The following RNF17 variants were observed in gnomAD, a reference collection of about 807,000 sequenced individuals.
RNF17 encodes spermatogenesis associated 23.
Under a neutral mutation model 200.5 loss-of-function variants are expected in RNF17, and 31 were observed. The observed-to-expected ratio is 0.15, with a 90% CI of 0.12 to 0.21. The LOEUF (loss-of-function observed/expected upper bound fraction) is 0.21, where lower values mean the gene tolerates loss of function less well. Ranked by LOEUF, RNF17 falls within the 10% of genes least tolerant of loss-of-function variation. The pLI, the probability that RNF17 is intolerant of heterozygous loss-of-function variation, is 1.00. For missense variants in RNF17, 1,628 were observed against 1,905.1 expected (o/e 0.85, Z 2.71); for synonymous variants, 606 against 637.8 (o/e 0.95, Z 0.75).
At position 24,825,706 on chromosome 13, in the gene RNF17, C is replaced by A; in HGVS notation, c.2179C>A (p.Pro727Thr). Residue 727 changes from proline to threonine, a missense_variant, in exon 16 of 36, where the codon CCA (proline) becomes ACA (threonine). Pro to Thr is a conservative substitution (Grantham distance 38). Around this residue, in one of 5 missense-constraint regions of RNF17, gnomAD observed 289 missense variants for 384.9 expected, o/e 0.75. Coordinates refer to ENST00000255324, the MANE Select transcript of RNF17 (RefSeq NM_031277.3). ...EDGENLEILC[P>T]VQDQACVAKF... Reference sequence around the variant, plus strand: ...TGGAGAAAATCTGGAAATCCTCTGTCCAGTTCAAGATCAAGCCTGTGTAGC... The same window carrying A: ...TGGAGAAAATCTGGAAATCCTCTGTACAGTTCAAGATCAAGCCTGTGTAGC... 1 of 1,613,440 alleles carries A rather than the reference C, an allele frequency of 6.2e-7. No individual in the cohort carries two copies. Among genetic ancestry groups the A allele is most frequent in the Non-Finnish European group, 8.5e-7 (1 of 1,179,558 alleles).
intron 16 of RNF17, among the ~76,000 whole-genome samples, chr13:24,826,924 G>A (rs1477854165): frequency 1.3e-5 from 2 of 151,958 alleles, no homozygotes; most frequent in Non-Finnish European, 2.9e-5. Context: ...GCTGGGCATG[G>A]TGGTGCATGC....
intron 16 of RNF17, among the ~76,000 whole-genome samples, chr13:24,827,383 C>G (rs1285224015): frequency 6.6e-6 from 1 of 152,036 alleles, no homozygotes; most frequent in Non-Finnish European, 1.5e-5. Flanking sequence ...TCATTTGTCA[C>G]CACTGATTTT....
At chr13:24,850,933 C>T (rs1443324766) in intron 23 of RNF17, among the ~76,000 whole-genome samples, 1 of 152,166 alleles carries the variant, frequency 6.6e-6, no homozygotes, top group Non-Finnish European at 1.5e-5. Context: ...TTTAATTTCA[C>T]CTTGACATTG....
chr13:24,790,458 A>G (rs1566137077), intron 9 of RNF17, among the ~76,000 whole-genome samples: 1 of 152,162 alleles, frequency 6.6e-6, no homozygotes, highest in Non-Finnish European at 1.5e-5. Flanking sequence ...TTAAATTTAA[A>G]CATAAATTAA....
At chr13:24,791,335 G>A (rs563353019) in intron 9 of RNF17, among the ~76,000 whole-genome samples, 2 of 152,236 alleles carry the variant, frequency 1.3e-5, no homozygotes, top group East Asian at 1.9e-4. Flanking sequence ...ATGCTTGAAC[G>A]TGAGGCATGA....
the RNF17 span, among the ~76,000 whole-genome samples, chr13:24,755,749 T>G: frequency 6.6e-6 from 1 of 152,226 alleles, no homozygotes; most frequent in Non-Finnish European, 1.5e-5. Flanking sequence ...AATCACATTT[T>G]TCTTTCTAGG....
At chr13:24,881,838 A>C (rs1226599782), downstream of RNF17, among the ~76,000 whole-genome samples, 292 of 115,010 alleles carry the variant, frequency 2.5e-3, no homozygotes, top group African/African-American at 9.4e-3. Context: ...ATCTATATAG[A>C]TATATAGATA....
chr13:24,751,057 G>A, the RNF17 span: 1 of 152,170 alleles, frequency 6.6e-6, no homozygotes, highest in Admixed American at 6.6e-5. Flanking sequence ...AACTCCATGA[G>A]ACAAGAAGTT....
chr13:24,874,659 G>A (rs1032510083), intron 33 of RNF17, among the ~76,000 whole-genome samples: 7 of 152,140 alleles, frequency 4.6e-5, no homozygotes, highest in East Asian at 3.9e-4. Context: ...TGATCCCCCC[G>A]CCTCAGCCTC....
At chr13:24,784,960 G>A (rs1882906927) in intron 6 of RNF17, among the ~76,000 whole-genome samples, 1 of 152,110 alleles carries the variant, frequency 6.6e-6, no homozygotes, top group Non-Finnish European at 1.5e-5. Context: ...ATCTGCCTCG[G>A]CCTCCCAAAG....
intron 16 of RNF17, chr13:24,826,009 A>G: frequency 3.0e-6 from 3 of 984,948 alleles, no homozygotes; most frequent in Non-Finnish European, 3.6e-6. Context: ...TATAGATAGA[A>G]CAAAGCAACA....
intron 27 of RNF17, 136 bp from the exon 28 acceptor site, chr13:24,862,577 T>C: frequency 1.7e-6 from 1 of 591,594 alleles, no homozygotes. Flanking sequence ...CCTATGATAT[T>C]CTCTGAGAAC....
At chr13:24,807,427 T>G (rs1886028603) in intron 15 of RNF17, among the ~76,000 whole-genome samples, 1 of 152,184 alleles carries the variant, frequency 6.6e-6, no homozygotes, top group Non-Finnish European at 1.5e-5. Flanking sequence ...TCATGTGTCT[T>G]TTGGCTGCAT....
intron 23 of RNF17, 50 bp downstream of exon 23, chr13:24,850,493 C>A: frequency 1.8e-6 from 2 of 1,133,460 alleles, no homozygotes; most frequent in Non-Finnish European, 2.6e-6. Flanking sequence ...ATGTTTCCAT[C>A]GATTCCATTT....
At chr13:24,762,457 C>T (rs1878857129), upstream of RNF17, among the ~76,000 whole-genome samples, 1 of 148,136 alleles carries the variant, frequency 6.8e-6, no homozygotes. Context: ...GGGAATAATA[C>T]TCACAAAACT....
At chr13:24,824,166 G>T in intron 15 of RNF17, 1 of 707,874 alleles carries the variant, frequency 1.4e-6, no homozygotes, top group Non-Finnish European at 2.6e-6. Flanking sequence ...TAGGCTTCTT[G>T]GTTACTGTAA....
chr13:24,804,532 G>A (rs1885619904), intron 15 of RNF17, 103 bp downstream of exon 15: 6 of 815,130 alleles, frequency 7.4e-6, no homozygotes, highest in Admixed American at 6.1e-5. Context: ...CAGAGCAAAC[G>A]TACCACTGTT....
chr13:24,868,349 A>G (rs937401706), intron 30 of RNF17, among the ~76,000 whole-genome samples: 1 of 148,758 alleles, frequency 6.7e-6, no homozygotes, highest in Non-Finnish European at 1.5e-5. Flanking sequence ...GGGCGCCTGT[A>G]GTCCCAGCTA....
chr13:24,875,679 A>G (rs1894785117), intron 33 of RNF17, among the ~76,000 whole-genome samples: 2 of 152,236 alleles, frequency 1.3e-5, no homozygotes, highest in South Asian at 4.1e-4. Context: ...TTGCAGAGGA[A>G]GCATGACTTT....
Sources: gnomAD v4.1 joint callset for allele counts (sites outside exome capture counted in the v4.1 genomes callset) on GRCh38, gnomAD v4.1.1 for gene constraint, gnomAD v4.1.1 regional missense constraint, MANE v1.5 for transcripts, NCBI Gene and HGNC (gene_info 2026-07-23, HGNC 2026-07-21) for gene names.